BSN: variants seen among roughly 807,000 people sequenced by gnomAD.
The protein encoded by BSN is bassoon presynaptic cytomatrix protein.
In BSN, 57 loss-of-function variants were observed where a neutral mutation model predicts 264.8. The ratio of observed to expected loss-of-function variants is 0.22; its 90% confidence interval spans 0.17 to 0.27. The LOEUF is 0.27. Among genes scored for constraint, BSN ranks in the 10% least tolerant of loss-of-function variants. The pLI is 1.00. For synonymous variants in BSN, 2,059 were observed against 2,137.3 expected, an observed-to-expected ratio of 0.96 and a Z score of 1.01; for missense variants, 4,615 against 5,232.5, an observed-to-expected ratio of 0.88 and a Z score of 3.64.
Position 49,657,094 on chromosome 3 carries a change from T to C in BSN, c.7538T>C (p.Met2513Thr). 1.9e-6 allele frequency: 3 copies of C among 1,610,090 alleles called. No homozygotes were observed. The highest frequency in any genetic ancestry group is 2.5e-6 in the Non-Finnish European group (3 of 1,177,570). Residue 2513 changes from methionine to threonine, a missense_variant, in exon 5 of 12, where the codon ATG becomes ACG. By Grantham distance (81) the Met-to-Thr change is moderately conservative. This residue lies in a region of BSN where 3,415 missense variants were observed against 3,866.4 expected (regional missense o/e 0.88). Coordinates refer to ENST00000296452, the MANE Select transcript of BSN (RefSeq NM_003458.4). The part of the protein sequence containing the change: ...PPLTHAAFIA[M>T]AGPEGLGQPR... ...CTTACACATGCAGCCTTCATTGCCA[T>C]GGCAGGGCCTGAAGGACTTGGGCAG...
intron 5 of BSN, among the ~76,000 whole-genome samples, chr3:49,659,908 G>A (rs2052639137): frequency 6.6e-6 from 1 of 151,880 alleles, no homozygotes; most frequent in Non-Finnish European, 1.5e-5. Context: ...TGGGCAGGCA[G>A]CTGAGGAGCC....
At chr3:49,649,234 G>T (rs541915217) in intron 3 of BSN, among the ~76,000 whole-genome samples, 3 of 152,364 alleles carry the variant, frequency 2.0e-5, no homozygotes, top group Admixed American at 1.3e-4. Flanking sequence ...TCCTGGGGGT[G>T]GCAAGGGCCA....
Position 49,652,488 on chromosome 3 carries a change from G to A in BSN, c.2932G>A (p.Glu978Lys), listed in dbSNP as rs1222567626. 1 of 1,613,700 alleles carries A rather than the reference G, an allele frequency of 6.2e-7. No homozygotes were observed. Among genetic ancestry groups the A allele is most frequent in the East Asian group, 2.2e-5 (1 of 44,872 alleles). ...CTCCCCTGAGGACCGCTCCCGTGGTGAGCACTCCTCTACATTGCCTGCCTC... is the reference window on the plus strand; with the variant it reads ...CTCCCCTGAGGACCGCTCCCGTGGTAAGCACTCCTCTACATTGCCTGCCTC... Reference protein sequence around the residue: ...TGSPEDRSRGEHSSTLPASTP... With the variant: ...TGSPEDRSRGKHSSTLPASTP... Residue 978 changes from glutamate (E) to lysine (K), a missense_variant, in exon 5 of 12, where the codon GAG becomes AAG. Around this residue, in one of 3 missense-constraint regions of BSN, gnomAD observed 1,197 missense variants for 1,348.0 expected, o/e 0.89. Coordinates refer to ENST00000296452, the MANE Select transcript of BSN (RefSeq NM_003458.4).
chr3:49,571,647 A>G lies in BSN; in HGVS notation c.224+16821A>G, dbSNP rs183768929. ...GGCCCCAGAGGCCTCAGGGTATAGT[A>G]GGGAATGAGGACAGAGATTGTTCAT... is the stretch of plus-strand genomic sequence containing the variant. On this transcript the variant is annotated intron_variant, in intron 1 of 11. Transcript: ENST00000296452. Among the ~76,000 whole-genome samples, 81 of 152,276 alleles carry G rather than the reference A, an allele frequency of 5.3e-4. 1 individual carries two copies. The highest frequency in any genetic ancestry group is 2.2e-4 in the Non-Finnish European group (15 of 68,024).
intron 1 of BSN, among the ~76,000 whole-genome samples, chr3:49,578,996 A>G (rs1339418163): frequency 6.6e-6 from 1 of 151,964 alleles, no homozygotes; most frequent in Non-Finnish European, 1.5e-5. Context: ...ATTTGTTTAG[A>G]GAGGGAATCT....
chr3:49,635,416 C>G (rs1164617448), intron 2 of BSN, among the ~76,000 whole-genome samples: 1 of 151,982 alleles, frequency 6.6e-6, no homozygotes, highest in Admixed American at 6.6e-5. Flanking sequence ...TGCCAAGAGC[C>G]CATCACAGGA....
At chr3:49,570,074 C>T (rs1200609537) in intron 1 of BSN, among the ~76,000 whole-genome samples, 9 of 152,182 alleles carry the variant, frequency 5.9e-5, no homozygotes, top group Admixed American at 5.2e-4. Context: ...CTGTAGCACA[C>T]GAAGCTGGCT....
chr3:49,652,526 C>T lies in BSN; in HGVS notation c.2970C>T (p.Tyr990=), dbSNP rs1441691762. 4.3e-6 allele frequency: 7 copies of T among 1,613,740 alleles called. No homozygotes were observed. Among genetic ancestry groups the T allele is most frequent in the Non-Finnish European group, 4.2e-6 (5 of 1,180,016 alleles). ...SSTLPASTPS[Y]TSGTSPTSLS... ...CATTGCCTGCCTCCACACCCAGCTACACCTCGGGCACCTCTCCCACCTCTC... is the reference window on the plus strand; with the variant it reads ...CATTGCCTGCCTCCACACCCAGCTATACCTCGGGCACCTCTCCCACCTCTC... The change falls in exon 5 of 12, where the codon TAC becomes TAT. Residue 990 remains tyrosine, a synonymous_variant. Coordinates refer to ENST00000296452, the MANE Select transcript of BSN (RefSeq NM_003458.4).
chr3:49,630,954 T>C (rs1382093686), intron 2 of BSN, among the ~76,000 whole-genome samples: 1 of 152,078 alleles, frequency 6.6e-6, no homozygotes, highest in African/African-American at 2.4e-5. Flanking sequence ...TTCTACTCTT[T>C]ATTTTGCTCA....
Position 49,654,708 on chromosome 3 carries a change from C to G in BSN, c.5152C>G (p.Leu1718Val). Residue 1718 changes from leucine (L) to valine (V), a missense_variant, in exon 5 of 12, where the codon CTC becomes GTC. Physicochemically the swap from Leu to Val is conservative, Grantham distance 32 (BLOSUM62 1). Around this residue, in one of 3 missense-constraint regions of BSN, gnomAD observed 3,415 missense variants for 3,866.4 expected, o/e 0.88. Transcript: ENST00000296452. This position sits in a 1 kb window ranked among gnomAD's most constrained non-coding sequence, Gnocchi z 4.1. ...CGCCGTGCAGCCCTTGGTTATCAAC[C>G]TCAATGCCCAGGAGCATACCTTCCT... Reference protein sequence around the residue: ...STAVQPLVINLNAQEHTFLAT... With the variant: ...STAVQPLVINVNAQEHTFLAT... 2 of 1,613,760 alleles carry G rather than the reference C, an allele frequency of 1.2e-6. No homozygotes were observed. The highest frequency in any genetic ancestry group is 1.7e-6 in the Non-Finnish European group (2 of 1,180,032).
chr3:49,643,288 G>A (rs1290223949), intron 3 of BSN, 136 bp downstream of exon 3: 1 of 1,391,252 alleles, frequency 7.2e-7, no homozygotes, highest in East Asian at 2.5e-5. Flanking sequence ...ATGCTGCAGA[G>A]GGGCTGCATT....
chr3:49,656,172 C>T lies in BSN; in HGVS notation c.6616C>T (p.Leu2206=). 6.2e-7 allele frequency: 1 copy of T among 1,612,746 alleles called. No individual in the cohort carries two copies. The highest frequency in any genetic ancestry group is 1.1e-5 in the South Asian group (1 of 91,008). The change falls in exon 5 of 12, where the codon CTG becomes TTG. Residue 2206 remains leucine, a synonymous_variant. Transcript: ENST00000296452. The part of the protein sequence containing the change: ...STINTPIAAT[L]PITTQPASVL... ...TATCAATACCCCAATTGCTGCAACACTGCCCATCACCACCCAGCCTGCCTC... is the reference window on the plus strand; with the variant it reads ...TATCAATACCCCAATTGCTGCAACATTGCCCATCACCACCCAGCCTGCCTC...
Position 49,653,040 on chromosome 3 carries a change from T to C in BSN, c.3484T>C (p.Tyr1162His). ...EYNLPTFMSL[Y>H]SPTETPSGSS... is the part of the protein sequence containing the mutation. ...CAACCTGCCCACCTTCATGTCCCTC[T>C]ACTCACCAACCGAGACACCCTCCGG... The change falls in exon 5 of 12, where the codon TAC becomes CAC. Residue 1162 changes from tyrosine to histidine, a missense_variant. By Grantham distance (83) the Tyr-to-His change is moderately conservative. Transcript: ENST00000296452. This position sits in a 1 kb window ranked among gnomAD's most constrained non-coding sequence, Gnocchi z 6.3. 6.2e-7 allele frequency: 1 copy of C among 1,613,512 alleles called. No homozygotes were observed. The highest frequency in any genetic ancestry group is 8.5e-7 in the Non-Finnish European group (1 of 1,180,000).
chr3:49,613,827 C>T (rs1199208673), intron 1 of BSN, among the ~76,000 whole-genome samples: 3 of 151,782 alleles, frequency 2.0e-5, no homozygotes, highest in Non-Finnish European at 2.9e-5. Flanking sequence ...GTGTAAAGGT[C>T]ATGAAGATGC....
At chr3:49,666,019 G>A (rs2052710953) in intron 11 of BSN, among the ~76,000 whole-genome samples, 2 of 152,268 alleles carry the variant, frequency 1.3e-5, no homozygotes, top group Admixed American at 1.3e-4. Context: ...GGAGGAGGAG[G>A]AAGTGCATCA....
intron 1 of BSN, among the ~76,000 whole-genome samples, chr3:49,558,802 G>A (rs2051692597): frequency 6.6e-6 from 1 of 152,096 alleles, no homozygotes; most frequent in African/African-American, 2.4e-5. Context: ...ATTTCTCCAG[G>A]GAAAGCAGGC....
rs749547453 is a variant in BSN, at chr3:49,653,605, C to T, written c.4049C>T (p.Thr1350Ile). 2 of 1,613,772 alleles carry T rather than the reference C, an allele frequency of 1.2e-6. No individual in the cohort carries two copies. Among genetic ancestry groups the T allele is most frequent in the South Asian group, 2.2e-5 (2 of 91,060 alleles). ...GTCACTCAGCATTTTGCAAAGGAGA[C>T]TCAGGACCCCCTCAAGCTGCACAGC... ...VRVTQHFAKE[T>I]QDPLKLHSSP... is the part of the protein sequence containing the mutation. The change falls in exon 5 of 12, where the codon ACT becomes ATT. Residue 1350 changes from threonine to isoleucine, a missense_variant. Coordinates refer to ENST00000296452, the MANE Select transcript of BSN (RefSeq NM_003458.4). This position sits in a 1 kb window ranked among gnomAD's most constrained non-coding sequence, Gnocchi z 6.3.
At chr3:49,575,545 T>TG (rs2051838997) in intron 1 of BSN, among the ~76,000 whole-genome samples, 1 of 147,542 alleles carries the variant, frequency 6.8e-6, no homozygotes, top group Admixed American at 6.9e-5. Flanking sequence ...AATATATGTG[T>TG]GTATAGATGT....
intron 3 of BSN, among the ~76,000 whole-genome samples, chr3:49,650,021 C>T (rs1035013939): frequency 6.6e-6 from 1 of 152,186 alleles, no homozygotes; most frequent in Non-Finnish European, 1.5e-5. Context: ...GACTGCTCAG[C>T]CCCTCTGTCC....
Sources: gnomAD v4.1 joint callset for allele counts (sites outside exome capture counted in the v4.1 genomes callset) on GRCh38, gnomAD v4.1.1 for gene constraint, gnomAD v4.1.1 regional missense constraint, Gnocchi (gnomAD v3.1) non-coding constraint, MANE v1.5 for transcripts, NCBI Gene and HGNC (gene_info 2026-07-23, HGNC 2026-07-21) for gene names.